Variants in DAB1 observed in about 807,000 individuals in gnomAD.
The protein encoded by DAB1 is disabled homolog 1.
A neutral mutation model predicts 64.6 loss-of-function variants in DAB1; 15 were observed. That is an observed-to-expected ratio of 0.23 (90% CI 0.16 to 0.36). The LOEUF (loss-of-function observed/expected upper bound fraction) is 0.36, where lower values mean the gene tolerates loss of function less well. Among genes scored for constraint, DAB1 ranks in the 10% least tolerant of loss-of-function variants. The probability of loss-of-function intolerance (pLI) is 1.00; values close to 1 mark genes in which losing one functional copy is unlikely to be tolerated. For synonymous variants in DAB1, 235 were observed against 251.9 expected (o/e 0.93, Z 0.64); for missense variants, 596 against 706.7 (o/e 0.84, Z 1.78).
At chr1:57,453,166 G>A (rs971216625) in intron 7 of DAB1, among the ~76,000 whole-genome samples, 6 of 145,082 alleles carry the variant, frequency 4.1e-5, no homozygotes, top group Admixed American at 1.3e-4. Context: ...AGTTATGTCT[G>A]TGAATATTTA....
At chr1:57,089,492 G>T (rs1357709222) in intron 4 of DAB1, among the ~76,000 whole-genome samples, 1 of 152,058 alleles carries the variant, frequency 6.6e-6, no homozygotes. Flanking sequence ...ATGGGCCAGG[G>T]AGCTTTTACT....
chr1:58,076,493 T>C (rs889597257), intron 5 of DAB1, among the ~76,000 whole-genome samples: 13 of 152,294 alleles, frequency 8.5e-5, no homozygotes, highest in African/African-American at 2.9e-4. Context: ...TAGAAGAGTG[T>C]TAAAAGAAAG....
chr1:58,006,423 C>A (rs1391503984), intron 5 of DAB1, among the ~76,000 whole-genome samples: 1 of 152,022 alleles, frequency 6.6e-6, no homozygotes, highest in East Asian at 1.9e-4. Context: ...CAAACTCTTC[C>A]CAGTATTAGT....
intron 4 of DAB1, among the ~76,000 whole-genome samples, chr1:58,245,710 AACACCAGTC>A (rs1360413997): frequency 1.3e-5 from 2 of 152,210 alleles, no homozygotes; most frequent in Non-Finnish European, 2.9e-5. Flanking sequence ...TAAGGATTAC[AACACCAGTC>A]ACATCGGGCT....
At chr1:58,358,993 A>C (rs1211236861) in intron 3 of DAB1, among the ~76,000 whole-genome samples, 1 of 96,380 alleles carries the variant, frequency 1.0e-5, no homozygotes, top group Non-Finnish European at 2.3e-5. Flanking sequence ...GGATGCTGGG[A>C]TCTAGGTTAG....
At chr1:58,096,216 C>G (rs531850288) in intron 5 of DAB1, among the ~76,000 whole-genome samples, 1 of 152,212 alleles carries the variant, frequency 6.6e-6, no homozygotes, top group African/African-American at 2.4e-5. Context: ...AAATAAATGT[C>G]ACTTTGTGTG....
At chr1:57,593,832 G>A (rs1645474577) in intron 7 of DAB1, among the ~76,000 whole-genome samples, 1 of 152,100 alleles carries the variant, frequency 6.6e-6, no homozygotes, top group South Asian at 2.1e-4. Flanking sequence ...GGCTAACCTC[G>A]TCTTTACAAC....
chr1:57,869,971 C>T (rs1205585806), intron 1 of DAB1, among the ~76,000 whole-genome samples: 1 of 152,040 alleles, frequency 6.6e-6, no homozygotes, highest in Non-Finnish European at 1.5e-5. Context: ...TTAAGTTCTT[C>T]CCGGACTATG....
chr1:58,175,361 G>A (rs1229212861), intron 4 of DAB1, among the ~76,000 whole-genome samples: 3 of 152,102 alleles, frequency 2.0e-5, no homozygotes, highest in African/African-American at 7.2e-5. Context: ...ACATCTGAAG[G>A]AACAAACTCC....
chr1:57,040,214 A>G (rs1217617912), intron 9 of DAB1, among the ~76,000 whole-genome samples: 1 of 152,076 alleles, frequency 6.6e-6, no homozygotes, highest in African/African-American at 2.4e-5. Flanking sequence ...TGGGGGCAGC[A>G]TATATTTTGA....
chr1:57,559,109 C>G (rs1270403384), intron 7 of DAB1, among the ~76,000 whole-genome samples: 1 of 152,144 alleles, frequency 6.6e-6, no homozygotes, highest in Non-Finnish European at 1.5e-5. Flanking sequence ...CTGGGTTTAG[C>G]TACTGTAATG....
At chr1:58,146,950 G>GT (rs1654630511) in intron 5 of DAB1, among the ~76,000 whole-genome samples, 1 of 152,136 alleles carries the variant, frequency 6.6e-6, no homozygotes, top group Non-Finnish European at 1.5e-5. Flanking sequence ...ACAAGAAATA[G>GT]TAAGTGTTGA....
At chr1:57,347,884 A>G (rs191187131) in intron 1 of DAB1, among the ~76,000 whole-genome samples, 111 of 152,286 alleles carry the variant, frequency 7.3e-4, no homozygotes, top group Admixed American at 1.8e-3. Flanking sequence ...GTCAGGTAAG[A>G]TGAGGGGGTT....
chr1:57,470,521 T>C (rs6686072), intron 7 of DAB1, among the ~76,000 whole-genome samples: 77,130 of 151,954 alleles, frequency 0.51, 20,338 homozygotes, highest in Non-Finnish European at 0.6. Flanking sequence ...GGCTTAATGG[T>C]GGGTTAAGTG....
intron 5 of DAB1, among the ~76,000 whole-genome samples, chr1:57,965,831 C>T (rs911287771): frequency 6.6e-6 from 1 of 151,952 alleles, no homozygotes; most frequent in African/African-American, 2.4e-5. Context: ...AGACTAAATG[C>T]AAATAAGAAA....
At chr1:58,527,752 G>A (rs924411308) in intron 1 of DAB1, among the ~76,000 whole-genome samples, 1 of 150,524 alleles carries the variant, frequency 6.6e-6, no homozygotes, top group Non-Finnish European at 1.5e-5. Flanking sequence ...GACACTACTA[G>A]ACAATTTATT....
At chr1:57,524,613 G>T (rs761321960) in intron 7 of DAB1, among the ~76,000 whole-genome samples, 9 of 152,172 alleles carry the variant, frequency 5.9e-5, no homozygotes, top group Non-Finnish European at 1.3e-4. Context: ...CAAGGGTGGG[G>T]AGAATTACAA....
intron 4 of DAB1, among the ~76,000 whole-genome samples, chr1:58,336,890 A>G (rs1663130115): frequency 6.6e-6 from 1 of 152,222 alleles, no homozygotes; most frequent in South Asian, 2.1e-4. Flanking sequence ...TTAAGCCCAG[A>G]TCTGGGCCCA....
intron 4 of DAB1, among the ~76,000 whole-genome samples, chr1:58,299,754 A>G (rs1395523707): frequency 6.6e-6 from 1 of 152,202 alleles, no homozygotes; most frequent in Non-Finnish European, 1.5e-5. Context: ...GAATTACTGC[A>G]GGAGGATTAA....
Sources: gnomAD v4.1 joint callset for allele counts (sites outside exome capture counted in the v4.1 genomes callset) on GRCh38, gnomAD v4.1.1 for gene constraint, MANE v1.5 for transcripts, NCBI Gene and HGNC (gene_info 2026-07-23, HGNC 2026-07-21) for gene names.